The following KLF12 variants were observed in gnomAD, a reference collection of about 807,000 sequenced individuals.
KLF12 encodes KLF transcription factor 12, also known as Krueppel-like factor 12.
A neutral mutation model predicts 37.8 loss-of-function variants in KLF12; 9 were observed. The observed-to-expected ratio is 0.24, with a 90% CI of 0.14 to 0.42. The LOEUF is 0.42. Among genes scored for constraint, KLF12 ranks in the 10% least tolerant of loss-of-function variants. The pLI is 1.00. For synonymous variants in KLF12, 208 were observed against 202.1 expected (o/e 1.03, Z -0.25); for missense variants, 411 against 516.0 (o/e 0.80, Z 1.97).
At chr13:74,246,433 G>A in the KLF12 span, among the ~76,000 whole-genome samples, 2 of 152,240 alleles carry the variant, frequency 1.3e-5, no homozygotes, top group African/African-American at 4.8e-5. Context: ...ATAAAATGCA[G>A]TGGGCTCAGT....
At chr13:73,748,437 C>G in intron 6 of KLF12, among the ~76,000 whole-genome samples, 1 of 152,002 alleles carries the variant, frequency 6.6e-6, no homozygotes, top group East Asian at 1.9e-4. Context: ...TTATTTAGAT[C>G]AGGTCATGAG....
At chr13:73,817,249 T>A in intron 4 of KLF12, among the ~76,000 whole-genome samples, 1 of 149,692 alleles carries the variant, frequency 6.7e-6, no homozygotes, top group South Asian at 2.1e-4. Flanking sequence ...GCCCAGGAGG[T>A]TGAGGCTGCA....
At chr13:73,926,247 T>C (rs1010248296) in intron 3 of KLF12, among the ~76,000 whole-genome samples, 1 of 152,158 alleles carries the variant, frequency 6.6e-6, no homozygotes, top group East Asian at 1.9e-4. Flanking sequence ...TGTTTCATTT[T>C]AGGAAATTGC....
At chr13:73,847,545 T>C (rs2138698452) in intron 3 of KLF12, among the ~76,000 whole-genome samples, 1 of 152,230 alleles carries the variant, frequency 6.6e-6, no homozygotes, top group East Asian at 1.9e-4. Flanking sequence ...CAATAGGCAG[T>C]AGCACACGGG....
At chr13:74,241,996 A>C in the KLF12 span, among the ~76,000 whole-genome samples, 1 of 152,212 alleles carries the variant, frequency 6.6e-6, no homozygotes, top group Non-Finnish European at 1.5e-5. Context: ...TAAAGTAGGA[A>C]TATTAAAAGC....
At chr13:74,064,503 T>TTGA (rs1406241766) in intron 1 of KLF12, among the ~76,000 whole-genome samples, 4 of 152,230 alleles carry the variant, frequency 2.6e-5, no homozygotes, top group Non-Finnish European at 1.5e-5. Context: ...AAATTTGGTG[T>TTGA]TGATGATACA....
intron 3 of KLF12, among the ~76,000 whole-genome samples, chr13:73,883,486 G>A (rs76305007): frequency 2.0e-5 from 3 of 152,184 alleles, no homozygotes; most frequent in Non-Finnish European, 4.4e-5. Context: ...GAAGAGATGT[G>A]ACAGGGAAGA....
At chr13:74,257,441 A>C in the KLF12 span, 3 of 152,216 alleles carry the variant, frequency 2.0e-5, no homozygotes, top group African/African-American at 7.2e-5. Flanking sequence ...AAAACGGTAC[A>C]AACACGACAC....
intron 7 of KLF12, among the ~76,000 whole-genome samples, chr13:73,708,762 C>T (rs576205977): frequency 2.6e-5 from 4 of 152,192 alleles, no homozygotes; most frequent in Admixed American, 6.5e-5. Context: ...GAACTCTTAA[C>T]GTGAGGGAAT....
intron 1 of KLF12, among the ~76,000 whole-genome samples, chr13:74,104,056 C>T (rs1165410493): frequency 1.3e-5 from 2 of 152,114 alleles, no homozygotes; most frequent in Non-Finnish European, 2.9e-5. Context: ...AAAATTTTAT[C>T]CTGTATTAAA....
chr13:74,226,362 C>A, the KLF12 span, among the ~76,000 whole-genome samples: 1 of 152,126 alleles, frequency 6.6e-6, no homozygotes, highest in Non-Finnish European at 1.5e-5. Flanking sequence ...TTTGGAATTT[C>A]TGGCTTGGGA....
At chr13:74,240,278 C>G in the KLF12 span, among the ~76,000 whole-genome samples, 1 of 139,954 alleles carries the variant, frequency 7.1e-6, no homozygotes, top group Non-Finnish European at 1.5e-5. Context: ...GGCCCCCACT[C>G]TCTTCTGGCT....
At chr13:74,110,595 T>C (rs1418851017) in intron 1 of KLF12, among the ~76,000 whole-genome samples, 1 of 152,102 alleles carries the variant, frequency 6.6e-6, no homozygotes, top group African/African-American at 2.4e-5. Flanking sequence ...TTTTCCTACT[T>C]TACAGGTAGT....
intron 1 of KLF12, among the ~76,000 whole-genome samples, chr13:74,047,418 C>T (rs192943597): frequency 0.012 from 1,721 of 143,080 alleles, 48 homozygotes; most frequent in African/African-American, 0.043. Context: ...GGCGAAACCC[C>T]GTCTCTACTA....
At chr13:74,128,299 A>T (rs1158901866) in intron 1 of KLF12, among the ~76,000 whole-genome samples, 1 of 152,218 alleles carries the variant, frequency 6.6e-6, no homozygotes, top group Non-Finnish European at 1.5e-5. Flanking sequence ...TTCCTTCCCC[A>T]TAAGTGTAAT....
chr13:73,978,091 A>G (rs556534589), intron 2 of KLF12, among the ~76,000 whole-genome samples: 1 of 152,338 alleles, frequency 6.6e-6, no homozygotes, highest in Non-Finnish European at 1.5e-5. Flanking sequence ...AAAACCAAAG[A>G]CACAATCCAT....
At chr13:74,207,812 G>A in the KLF12 span, among the ~76,000 whole-genome samples, 11 of 152,140 alleles carry the variant, frequency 7.2e-5, no homozygotes, top group South Asian at 6.2e-4. Flanking sequence ...TGACTGTTGC[G>A]TTTTTATCTT....
the KLF12 span, among the ~76,000 whole-genome samples, chr13:74,260,626 A>AATAAAATAAAATAAAATAAAATAAAAT: frequency 3.4e-5 from 4 of 117,212 alleles, no homozygotes; most frequent in African/African-American, 2.1e-4. Context: ...AATAAAATAA[A>AATAAAATAAAATAAAATAAAATAAAAT]ATAGTGAATT....
Position 73,863,579 on chromosome 13 carries a change from T to C in KLF12, c.124-17206A>G, listed in dbSNP as rs111496022. Among the ~76,000 whole-genome samples, 510 of 152,304 alleles carry C rather than the reference T, an allele frequency of 3.3e-3. 3 individuals carry two copies. Among genetic ancestry groups the C allele is most frequent in the African/African-American group, 0.012 (485 of 41,578 alleles). On this transcript the variant is annotated intron_variant, in intron 3 of 7. Transcript: ENST00000377669. ...AGTTATTATTTTATCTATTTTACTG[T>C]AGTGCTAAAACTAGAATATCCGATA...
Sources: allele counts gnomAD v4.1 joint callset (sites outside exome capture counted in the v4.1 genomes callset), GRCh38; gene constraint gnomAD v4.1.1; transcripts MANE v1.5; gene names NCBI Gene and HGNC (gene_info 2026-07-23, HGNC 2026-07-21).